Variants in PCDHGB1 observed in about 807,000 individuals in gnomAD.
PCDHGB1 encodes the protein protocadherin gamma subfamily B, 1.
PCDHGB1 carries 34 observed loss-of-function variants against 56.6 expected under a neutral mutation model. The ratio of observed to expected loss-of-function variants is 0.60; its 90% CI spans 0.46 to 0.80. PCDHGB1 has a LOEUF of 0.80. PCDHGB1 is among the 30% of genes least tolerant of loss of function. The pLI is 0.00. For missense variants in PCDHGB1, 1,278 were observed against 1,204.6 expected, an observed-to-expected ratio of 1.06 and a Z score of -0.90; for synonymous variants, 561 against 505.9, an observed-to-expected ratio of 1.11 and a Z score of -1.46.
At chr5:141,372,535 G>A in intron 1 of PCDHGB1, 2 of 1,613,924 alleles carry the variant, frequency 1.2e-6, no homozygotes, top group Non-Finnish European at 1.7e-6. Flanking sequence ...ATCTCCCTGC[G>A]CCTGCGATGC....
chr5:141,509,298 C>A (rs974744333), intron 3 of PCDHGB1, among the ~76,000 whole-genome samples: 1 of 152,180 alleles, frequency 6.6e-6, no homozygotes, highest in Non-Finnish European at 1.5e-5. Flanking sequence ...AGGGTGGAGG[C>A]AGAGGGAGGC....
chr5:141,405,398 C>A, intron 1 of PCDHGB1: 1 of 1,590,262 alleles, frequency 6.3e-7, no homozygotes, highest in Non-Finnish European at 8.6e-7. Flanking sequence ...TTTTTTCTTT[C>A]TTTCTTTTCT....
chr5:141,462,202 C>T (rs188546035), intron 1 of PCDHGB1, among the ~76,000 whole-genome samples: 1,522 of 152,002 alleles, frequency 0.01, 33 homozygotes, highest in African/African-American at 0.034. Flanking sequence ...TCAGGTGATC[C>T]GCCTGCCTCG....
chr5:141,477,779 A>C lies in PCDHGB1; in HGVS notation c.2410-17028A>C. ...CCTAGCCACCAACATCAGCGTGAAC[A>C]TATTTGTCACTGATCGCAATGACAA... is the stretch of plus-strand genomic sequence containing the variant. On this transcript the variant is annotated intron_variant, in intron 1 of 3. Transcript: ENST00000523390. The surrounding 1 kb of genome is among the most constrained non-coding windows in gnomAD (Gnocchi z 4.9). 1.2e-6 allele frequency: 2 copies of C among 1,614,012 alleles called. No individual in the cohort carries two copies. Among genetic ancestry groups the C allele is most frequent in the Non-Finnish European group, 1.7e-6 (2 of 1,180,020 alleles).
chr5:141,366,927 T>C (rs1442666923), intron 1 of PCDHGB1: 3 of 981,216 alleles, frequency 3.1e-6, no homozygotes, highest in Non-Finnish European at 4.3e-6. Context: ...AAATTCTGTT[T>C]TGGGAAGTCT....
rs759819103 is a variant in PCDHGB1, at chr5:141,398,546, T to A, written c.2409+45877T>A. On this transcript the variant is annotated intron_variant, in intron 1 of 3. Transcript: ENST00000523390. ...AAATTCACGCAAAATTCCTTTGAGC[T>A]GCAAATAAGTGAGTCTGCACAGCCT... 3.1e-6 allele frequency: 5 copies of A among 1,613,902 alleles called. No homozygotes were observed. The East Asian group carries it at 1.1e-4, about 36-fold the overall frequency.
At chr5:141,384,614 C>G (rs759348931) in intron 1 of PCDHGB1, 2 of 1,614,222 alleles carry the variant, frequency 1.2e-6, no homozygotes, top group Admixed American at 3.3e-5. Context: ...ACAGATGGTT[C>G]TACTGGCATG....
chr5:141,383,054 T>C, intron 1 of PCDHGB1: 3 of 1,613,872 alleles, frequency 1.9e-6, no homozygotes, highest in Non-Finnish European at 2.5e-6. Flanking sequence ...GCCAAGGACC[T>C]GGGGCTGGAG....
At chr5:141,403,803 T>C (rs1323082699) in intron 1 of PCDHGB1, 5 of 1,613,668 alleles carry the variant, frequency 3.1e-6, no homozygotes. Context: ...TTCTGGAAAA[T>C]TAATGAAAAA....
intron 1 of PCDHGB1, chr5:141,409,818 C>G (rs1027344375): frequency 3.7e-6 from 6 of 1,610,800 alleles, no homozygotes; most frequent in African/African-American, 1.3e-5. Flanking sequence ...GACCACGGCT[C>G]GCCCACGCTC....
At chr5:141,407,276 T>C (rs1393118660) in intron 1 of PCDHGB1, among the ~76,000 whole-genome samples, 2 of 152,292 alleles carry the variant, frequency 1.3e-5, no homozygotes, top group East Asian at 3.9e-4. Context: ...AACAAGAAAA[T>C]TGTTACAATT....
chr5:141,482,981 AGG>A (rs2099575420), intron 1 of PCDHGB1, among the ~76,000 whole-genome samples: 1 of 150,250 alleles, frequency 6.7e-6, no homozygotes, highest in African/African-American at 2.5e-5. Context: ...GCTACTTGAG[AGG>A]TCGAGGCAGG....
chr5:141,370,804 T>C lies in PCDHGB1; in HGVS notation c.2409+18135T>C, dbSNP rs565720476. 223 of 1,614,010 alleles carry C rather than the reference T, an allele frequency of 1.4e-4. 3 individuals are homozygous for C. The Middle Eastern group carries it at 3.0e-3, about 21-fold the overall frequency. On this transcript the variant is annotated intron_variant, in intron 1 of 3. Coordinates refer to ENST00000523390, the MANE Select transcript of PCDHGB1 (RefSeq NM_018922.3). ...AACCCACCGACCTTTAGCCAAAATA[T>C]CACTGAGCTGGAAATCAGCGAACTG...
chr5:141,497,739 A>G (rs1180122239), intron 2 of PCDHGB1, among the ~76,000 whole-genome samples: 1 of 152,118 alleles, frequency 6.6e-6, no homozygotes, highest in Admixed American at 6.6e-5. Flanking sequence ...GGGTTTCGCC[A>G]CGTTGGCCAG....
chr5:141,450,758 A>G (rs1007910264), intron 1 of PCDHGB1, among the ~76,000 whole-genome samples: 2 of 151,784 alleles, frequency 1.3e-5, no homozygotes, highest in African/African-American at 4.8e-5. Flanking sequence ...AAGTGCCGGG[A>G]TTACAGGCAT....
chr5:141,400,048 G>A (rs760963865), intron 1 of PCDHGB1: 3 of 1,613,664 alleles, frequency 1.9e-6, no homozygotes, highest in Non-Finnish European at 2.5e-6. Context: ...CCTGCTGGTT[G>A]CTGTGCGTGA....
intron 1 of PCDHGB1, chr5:141,395,506 G>T: frequency 4.6e-6 from 2 of 433,794 alleles, no homozygotes; most frequent in Non-Finnish European, 8.1e-6. Flanking sequence ...CACTTAAGAA[G>T]TAGCTACCCG....
intron 1 of PCDHGB1, chr5:141,403,454 C>A: frequency 6.2e-7 from 1 of 1,614,054 alleles, no homozygotes; most frequent in Non-Finnish European, 8.5e-7. Flanking sequence ...GAACTCCCTC[C>A]AGAGCTACCA....
In PCDHGB1 at chr5:141,486,661, G is replaced by T. The variant is rs373446844; in HGVS notation, c.2410-8146G>T. ...CGCTTATCTCCTACTCACTCCTGGA[G>T]CCCAGGAATCGAGATGTATCAGCTT... is the stretch of plus-strand genomic sequence containing the variant. On this transcript the variant is annotated intron_variant, in intron 1 of 3. Transcript: ENST00000523390. The surrounding 1 kb of genome is among the most constrained non-coding windows in gnomAD (Gnocchi z 5.0). 6.2e-6 allele frequency: 10 copies of T among 1,613,836 alleles called. No individual in the cohort carries two copies. Among genetic ancestry groups the T allele is most frequent in the African/African-American group, 4.0e-5 (3 of 74,918 alleles).
Sources: allele counts gnomAD v4.1 joint callset (sites outside exome capture counted in the v4.1 genomes callset), GRCh38; gene constraint gnomAD v4.1.1; non-coding constraint Gnocchi (gnomAD v3.1); transcripts MANE v1.5; gene names NCBI Gene and HGNC (gene_info 2026-07-23, HGNC 2026-07-21).